Variants in DOCK1 observed in about 807,000 individuals in gnomAD.
DOCK1 encodes the protein dedicator of cytokinesis protein 1.
In DOCK1, 138 loss-of-function variants were observed where a neutral mutation model predicts 262.7. The ratio of observed to expected loss-of-function variants is 0.53; its 90% CI spans 0.46 to 0.61. The LOEUF (loss-of-function observed/expected upper bound fraction) is 0.61, where lower values mean the gene tolerates loss of function less well. Ranked by LOEUF, DOCK1 falls within the 20% of genes least tolerant of loss-of-function variation. The pLI, the probability that DOCK1 is intolerant of heterozygous loss-of-function variation, is 0.00. For synonymous variants in DOCK1, 866 were observed against 867.4 expected, an observed-to-expected ratio of 1.00 and a Z score of 0.03; for missense variants, 1,908 against 2,370.7, an observed-to-expected ratio of 0.80 and a Z score of 4.05.
intron 27 of DOCK1, among the ~76,000 whole-genome samples, chr10:127,192,932 G>T (rs2056855548): frequency 6.6e-6 from 1 of 152,154 alleles, no homozygotes; most frequent in Non-Finnish European, 1.5e-5. Context: ...TAAAAGTCAT[G>T]AAGTTTCACT....
chr10:127,108,342 C>T (rs111981677), intron 24 of DOCK1, among the ~76,000 whole-genome samples: 3 of 152,186 alleles, frequency 2.0e-5, no homozygotes, highest in African/African-American at 4.8e-5. Flanking sequence ...AATCCCAGCA[C>T]TTTGGGAGGC....
At chr10:126,920,759 A>T (rs2033103883) in intron 1 of DOCK1, among the ~76,000 whole-genome samples, 1 of 152,234 alleles carries the variant, frequency 6.6e-6, no homozygotes, top group Non-Finnish European at 1.5e-5. Flanking sequence ...TGACCCAGTG[A>T]TTCTTCTCTT....
At chr10:127,318,984 C>T (rs1430066778) in intron 29 of DOCK1, among the ~76,000 whole-genome samples, 1 of 152,180 alleles carries the variant, frequency 6.6e-6, no homozygotes, top group Non-Finnish European at 1.5e-5. Flanking sequence ...ATGAAGCCAG[C>T]CTTGCCAAAG....
intron 27 of DOCK1, among the ~76,000 whole-genome samples, chr10:127,164,622 A>T (rs1442273560): frequency 2.0e-5 from 3 of 152,260 alleles, no homozygotes; most frequent in Admixed American, 2.0e-4. Flanking sequence ...TCAGAAATAC[A>T]TGCAGATTTG....
chr10:127,350,152 A>G (rs141865543), intron 31 of DOCK1, among the ~76,000 whole-genome samples: 106 of 152,364 alleles, frequency 7.0e-4, no homozygotes, highest in African/African-American at 2.4e-3. Flanking sequence ...GCATCATTTC[A>G]TAAAACTTTA....
rs562850135 is a variant in DOCK1 at position 127,321,720 on chromosome 10, C to G, written c.3045-17286C>G. ...CCTTCCCTTCAGCCAAACCCCTCCC[C>G]CCGCCGCCCCTGCTAAATTTACTTT... On this transcript the variant is annotated intron_variant, in intron 29 of 51. Coordinates refer to ENST00000623213, the MANE Select transcript of DOCK1 (RefSeq NM_001290223.2). Among the ~76,000 whole-genome samples, 13 of 142,122 alleles carry G rather than the reference C, an allele frequency of 9.1e-5. No individual in the cohort carries two copies. In the South Asian group the frequency reaches 2.9e-3, roughly 32 times the overall value. The allele number at this position is 142,122 out of a possible 152,430, so 93.2% of individuals were successfully genotyped here. A position where few individuals can be genotyped will look rare whatever the true frequency, so the allele number is the denominator to read the frequency against.
intron 25 of DOCK1, 106 bp from the exon 26 acceptor site, chr10:127,125,368 G>A: frequency 6.6e-7 from 1 of 1,517,036 alleles, no homozygotes; most frequent in Non-Finnish European, 8.9e-7. Flanking sequence ...TCCACGTGTT[G>A]CACAACGTGA....
chr10:127,214,107 A>G (rs1454359211), intron 27 of DOCK1, among the ~76,000 whole-genome samples: 1 of 152,162 alleles, frequency 6.6e-6, no homozygotes, highest in East Asian at 1.9e-4. Flanking sequence ...TCGGCGTCCC[A>G]AAGTGCTGGG....
At chr10:127,074,762 C>G (rs180713368) in intron 23 of DOCK1, among the ~76,000 whole-genome samples, 1 of 152,156 alleles carries the variant, frequency 6.6e-6, no homozygotes, top group East Asian at 1.9e-4. Context: ...TTAGGTGAAA[C>G]GTGACACAAG....
In DOCK1 at chr10:127,012,508, G is replaced by C. The variant is rs1261380496; in HGVS notation, c.1201+134G>C. 2 of 766,206 alleles carry C rather than the reference G, an allele frequency of 2.6e-6. No homozygotes were observed. Among genetic ancestry groups the C allele is most frequent in the Admixed American group, 4.6e-5 (2 of 43,788 alleles). The allele number at this position is 766,206 out of a possible 1,614,324, so 47.5% of individuals were successfully genotyped here. On this transcript the variant is annotated intron_variant, in intron 12 of 51. Transcript: ENST00000623213. This position sits in a 1 kb window ranked among gnomAD's most constrained non-coding sequence, Gnocchi z 4.0. ...TGGGGATGACAGTGATCGTGGTGGA[G>C]AATGTGTGTGACAGTTGCCCCTGTG...
chr10:127,098,445 C>T (rs2048036577), intron 23 of DOCK1, among the ~76,000 whole-genome samples: 1 of 152,196 alleles, frequency 6.6e-6, no homozygotes, highest in Admixed American at 6.5e-5. Context: ...GCCGCCACTG[C>T]TGCTGGTAGC....
intron 4 of DOCK1, among the ~76,000 whole-genome samples, chr10:126,985,377 A>C (rs1211307488): frequency 6.6e-6 from 1 of 152,182 alleles, no homozygotes; most frequent in Non-Finnish European, 1.5e-5. Context: ...ATATTCTTGA[A>C]CACTGGCAGG....
intron 45 of DOCK1, 146 bp from the exon 46 acceptor site, chr10:127,419,520 G>A (rs184882244): frequency 3.9e-5 from 28 of 719,178 alleles, no homozygotes; most frequent in East Asian, 2.2e-4. Flanking sequence ...TGGGTGCTGC[G>A]AAGGGTGTGA....
rs966392626 is a variant in DOCK1, at chr10:127,452,334, T to C, written c.*907T>C. The C allele has an allele frequency of 6.6e-6, 1 of 152,532 alleles. No individual in the cohort carries two copies. The highest frequency in any genetic ancestry group is 2.4e-5 in the African/African-American group (1 of 41,418). The allele number at this position is 152,532 out of a possible 1,614,324, so 9.4% of individuals were successfully genotyped here. ...CACACACACACACACACACATTTTT[T>C]TTTTGAGAACTCCAAAGTCCTGAAA... On this transcript the variant is annotated 3_prime_UTR_variant, in exon 52 of 52. Transcript: ENST00000623213.
intron 27 of DOCK1, among the ~76,000 whole-genome samples, chr10:127,154,980 C>G (rs2052896519): frequency 6.6e-6 from 1 of 152,114 alleles, no homozygotes; most frequent in Admixed American, 6.5e-5. Context: ...TTTTAACATG[C>G]AGATGTGTAT....
chr10:127,347,865 T>A (rs1280653969), intron 31 of DOCK1, among the ~76,000 whole-genome samples: 1 of 27,540 alleles, frequency 3.6e-5, no homozygotes, highest in African/African-American at 1.8e-4. Context: ...TTCCCTTCCC[T>A]TCCCTTCCCT....
At chr10:127,036,043 T>TAAATTAAA (rs1554870785) in intron 18 of DOCK1, among the ~76,000 whole-genome samples, 82 of 147,662 alleles carry the variant, frequency 5.6e-4, no homozygotes, top group Non-Finnish European at 8.4e-4. Context: ...AATAAATAAA[T>TAAATTAAA]AAAAAAGAGT....
At chr10:126,952,281 G>C (rs2036318905) in intron 1 of DOCK1, among the ~76,000 whole-genome samples, 1 of 152,040 alleles carries the variant, frequency 6.6e-6, no homozygotes, top group African/African-American at 2.4e-5. Context: ...ATTGTTCATA[G>C]TATTGTAGGT....
intron 27 of DOCK1, among the ~76,000 whole-genome samples, chr10:127,241,775 T>G (rs2059273660): frequency 6.6e-6 from 1 of 152,096 alleles, no homozygotes; most frequent in Non-Finnish European, 1.5e-5. Context: ...TAAACAGGTG[T>G]TTCTTCCAGG....
Sources: gnomAD v4.1 joint callset for allele counts (sites outside exome capture counted in the v4.1 genomes callset) on GRCh38, gnomAD v4.1.1 for gene constraint, Gnocchi (gnomAD v3.1) non-coding constraint, MANE v1.5 for transcripts, NCBI Gene and HGNC (gene_info 2026-07-23, HGNC 2026-07-21) for gene names.